Variants in PCDH15 observed in about 807,000 individuals in gnomAD.
PCDH15 encodes protocadherin related 15.
Under a neutral mutation model 178.5 loss-of-function variants are expected in PCDH15, and 129 were observed. The observed-to-expected ratio is 0.72, with a 90% CI of 0.63 to 0.84. The LOEUF (loss-of-function observed/expected upper bound fraction) is 0.84. PCDH15 is among the 40% of genes least tolerant of loss of function. The pLI is 0.00. For missense variants in PCDH15, 2,230 were observed against 2,099.9 expected (o/e 1.06, Z -1.21); for synonymous variants, 800 against 732.0 (o/e 1.09, Z -1.50).
intron 1 of PCDH15, among the ~76,000 whole-genome samples, chr10:55,296,557 A>AT (rs1353782049): frequency 1.2e-4 from 18 of 152,116 alleles, no homozygotes; most frequent in Non-Finnish European, 2.6e-4. Context: ...ATAACAAAAG[A>AT]TTTTCCCATT....
At chr10:55,499,404 TACACACAC>T (rs200878607) in intron 2 of PCDH15, among the ~76,000 whole-genome samples, 6,428 of 136,332 alleles carry the variant, frequency 0.047, 147 homozygotes, top group Admixed American at 0.066. Context: ...AGACTCTCCC[TACACACAC>T]ACACACACAC....
At chr10:54,611,867 A>C (rs2092970865) in intron 2 of PCDH15, among the ~76,000 whole-genome samples, 1 of 151,888 alleles carries the variant, frequency 6.6e-6, no homozygotes, top group Non-Finnish European at 1.5e-5. Flanking sequence ...AGAATGAAGA[A>C]AAATGACAAA....
rs202015355 is a variant in PCDH15, at chr10:54,814,147, G to A, written c.-29+83303C>T. On this transcript the variant is annotated intron_variant, in intron 3 of 5. Coordinates refer to the PCDH15 transcript ENST00000458638. ...CTTTATATTATAAGCAAATTTATGT[G>A]TCACCATAACATTGTGTAATTTGTC... Among the ~76,000 whole-genome samples, 48 of 152,198 alleles carry A rather than the reference G, an allele frequency of 3.2e-4. No homozygotes were observed. In the East Asian group the frequency reaches 6.0e-3, roughly 19 times the overall value.
chr10:54,442,693 A>C (rs918725168), intron 3 of PCDH15, among the ~76,000 whole-genome samples: 3 of 150,924 alleles, frequency 2.0e-5, no homozygotes, highest in African/African-American at 4.9e-5. Context: ...AATGATTAAA[A>C]TGCACAGATC....
At chr10:55,293,606 G>C (rs1296250579) in intron 1 of PCDH15, among the ~76,000 whole-genome samples, 1 of 152,122 alleles carries the variant, frequency 6.6e-6, no homozygotes, top group African/African-American at 2.4e-5. Flanking sequence ...TCTTCAACCA[G>C]ATACCCTAAA....
At chr10:55,591,345 G>C (rs1006160403) in intron 2 of PCDH15, among the ~76,000 whole-genome samples, 1 of 152,082 alleles carries the variant, frequency 6.6e-6, no homozygotes, top group Non-Finnish European at 1.5e-5. Context: ...TGAGGTAGGA[G>C]GCTTGCTTGA....
At chr10:55,610,338 T>A (rs912566696) in intron 2 of PCDH15, among the ~76,000 whole-genome samples, 1 of 152,134 alleles carries the variant, frequency 6.6e-6, no homozygotes, top group Non-Finnish European at 1.5e-5. Flanking sequence ...TTATTCACTG[T>A]GATACAGGTT....
intron 2 of PCDH15, among the ~76,000 whole-genome samples, chr10:54,617,341 G>A (rs996061646): frequency 4.6e-5 from 7 of 152,110 alleles, no homozygotes; most frequent in Admixed American, 1.3e-4. Flanking sequence ...TAGCACTTTC[G>A]TAATTACCTA....
intron 1 of PCDH15, among the ~76,000 whole-genome samples, chr10:54,677,816 T>G (rs1445412731): frequency 6.6e-6 from 1 of 152,280 alleles, no homozygotes; most frequent in Non-Finnish European, 1.5e-5. Flanking sequence ...CCAGACCATG[T>G]TGCAATAGTT....
intron 3 of PCDH15, among the ~76,000 whole-genome samples, chr10:54,516,531 A>G (rs926175333): frequency 5.9e-5 from 9 of 152,044 alleles, no homozygotes; most frequent in African/African-American, 1.9e-4. Context: ...AAAGAAACGA[A>G]CAAAGCCTCC....
chr10:53,993,025 T>A (rs2091629007), intron 21 of PCDH15, among the ~76,000 whole-genome samples: 1 of 152,218 alleles, frequency 6.6e-6, no homozygotes, highest in Non-Finnish European at 1.5e-5. Flanking sequence ...CATGAGTGGT[T>A]CTCACTTCAT....
chr10:54,297,685 G>T (rs2059888346), intron 8 of PCDH15, among the ~76,000 whole-genome samples: 1 of 152,132 alleles, frequency 6.6e-6, no homozygotes, highest in Non-Finnish European at 1.5e-5. Flanking sequence ...TTAAGTAGGG[G>T]GAGGGGAATT....
chr10:54,833,902 G>A (rs1012254762), intron 3 of PCDH15, among the ~76,000 whole-genome samples: 2 of 152,014 alleles, frequency 1.3e-5, no homozygotes, highest in South Asian at 4.2e-4. Context: ...GGTGTTTTGG[G>A]AGTTAGGGGG....
intron 3 of PCDH15, among the ~76,000 whole-genome samples, chr10:54,819,147 A>G (rs1448933010): frequency 1.3e-5 from 2 of 151,992 alleles, no homozygotes; most frequent in South Asian, 2.1e-4. Context: ...TACAGTTAAT[A>G]CATAAATATT....
intron 26 of PCDH15, among the ~76,000 whole-genome samples, chr10:53,883,876 C>T (rs11003907): frequency 2.0e-5 from 3 of 152,034 alleles, no homozygotes; most frequent in Non-Finnish European, 2.9e-5. Context: ...TCACTGCACC[C>T]GGCTAATTTT....
At chr10:54,936,964 T>C (rs1396194977) in intron 2 of PCDH15, among the ~76,000 whole-genome samples, 1 of 151,986 alleles carries the variant, frequency 6.6e-6, no homozygotes, top group Non-Finnish European at 1.5e-5. Flanking sequence ...TTCTAAGAGT[T>C]CTATGGTTTT....
chr10:55,077,450 C>CTT (rs1564777235), intron 2 of PCDH15, among the ~76,000 whole-genome samples: 23 of 102,230 alleles, frequency 2.2e-4, no homozygotes, highest in African/African-American at 1.0e-3. Context: ...TTCCTTCCTT[C>CTT]CCTTCCTTCC....
intron 2 of PCDH15, among the ~76,000 whole-genome samples, chr10:55,326,446 C>T (rs569465791): frequency 3.1e-4 from 47 of 152,064 alleles, no homozygotes; most frequent in African/African-American, 9.6e-4. Context: ...ATGGATGGAG[C>T]TGGAGGCCAT....
At chr10:54,536,938 G>C (rs769198313) in intron 2 of PCDH15, among the ~76,000 whole-genome samples, 1 of 150,180 alleles carries the variant, frequency 6.7e-6, no homozygotes, top group Non-Finnish European at 1.5e-5. Context: ...TTGTTATTGT[G>C]AATAGTACTG....
Sources: allele counts gnomAD v4.1 joint callset (sites outside exome capture counted in the v4.1 genomes callset), GRCh38; gene constraint gnomAD v4.1.1; transcripts MANE v1.5; gene names NCBI Gene and HGNC (gene_info 2026-07-23, HGNC 2026-07-21).